DLGAP2: variants seen among roughly 807,000 people sequenced by gnomAD.
DLGAP2 encodes disks large-associated protein 2.
In DLGAP2, 26 loss-of-function variants were observed where a neutral mutation model predicts 100.3. That is an observed-to-expected ratio of 0.26 (90% confidence interval 0.19 to 0.36). The LOEUF (loss-of-function observed/expected upper bound fraction) is 0.36. DLGAP2 is among the 10% of genes least tolerant of loss of function. DLGAP2 has a pLI of 1.00. For missense variants in DLGAP2, 1,858 were observed against 1,453.2 expected (o/e 1.28, Z -4.53); for synonymous variants, 886 against 630.1 (o/e 1.41, Z -6.08).
At chr8:1,571,432 G>GA (rs1802674164) in intron 6 of DLGAP2, among the ~76,000 whole-genome samples, 1 of 143,188 alleles carries the variant, frequency 7.0e-6, no homozygotes, top group Admixed American at 6.9e-5. Flanking sequence ...GAATTGTGGG[G>GA]TGTCTGATGA....
intron 1 of DLGAP2, among the ~76,000 whole-genome samples, chr8:771,931 T>C (rs1298432313): frequency 1.3e-5 from 2 of 152,174 alleles, no homozygotes; most frequent in African/African-American, 2.4e-5. Context: ...AGAGACAGGT[T>C]CTCTCTCTGT....
intron 2 of DLGAP2, among the ~76,000 whole-genome samples, chr8:1,172,272 T>TCC (rs1233692927): frequency 6.6e-6 from 1 of 152,224 alleles, no homozygotes; most frequent in African/African-American, 2.4e-5. Flanking sequence ...CTGATGGGCT[T>TCC]CCCTTTGTGG....
At chr8:1,436,534 C>T (rs1411094665) in intron 3 of DLGAP2, among the ~76,000 whole-genome samples, 1 of 152,160 alleles carries the variant, frequency 6.6e-6, no homozygotes, top group Non-Finnish European at 1.5e-5. Flanking sequence ...CAACCCAGGA[C>T]AATACTTTGC....
intron 3 of DLGAP2, among the ~76,000 whole-genome samples, chr8:1,451,094 A>G (rs1460415231): frequency 6.6e-6 from 1 of 152,074 alleles, no homozygotes; most frequent in East Asian, 1.9e-4. Context: ...CACATATCCT[A>G]CTTAGTGGAT....
intron 3 of DLGAP2, among the ~76,000 whole-genome samples, chr8:1,360,555 C>A (rs1801960345): frequency 6.6e-6 from 1 of 152,166 alleles, no homozygotes; most frequent in Non-Finnish European, 1.5e-5. Context: ...GCTGTGCCAT[C>A]TGGGTGAGCT....
chr8:1,415,681 A>G (rs1796864352), intron 3 of DLGAP2, among the ~76,000 whole-genome samples: 1 of 152,212 alleles, frequency 6.6e-6, no homozygotes, highest in South Asian at 2.1e-4. Flanking sequence ...CGTGGTGTAT[A>G]GGTAGCACTG....
chr8:1,330,505 C>G (rs530868622), intron 3 of DLGAP2, among the ~76,000 whole-genome samples: 6 of 133,466 alleles, frequency 4.5e-5, no homozygotes, highest in Middle Eastern at 5.9e-3. Flanking sequence ...GGGAGCACCG[C>G]TTCACGGGGA....
At position 1,241,146 on chromosome 8, in the gene DLGAP2, G is replaced by A. The variant is rs74403110; in HGVS notation, c.74-17705G>A. 2.4e-3 allele frequency among the ~76,000 whole-genome samples: 90 copies of A among 37,804 alleles called. 8 individuals are homozygous for A. The highest frequency in any genetic ancestry group is 5.1e-3 in the African/African-American group (38 of 7,474). 24.8% of individuals were successfully genotyped at this position (37,804 alleles called of 152,430 possible). On this transcript the variant is annotated intron_variant, in intron 2 of 14. Coordinates refer to ENST00000637795, the MANE Select transcript of DLGAP2 (RefSeq NM_001346810.2). ...ATGGCGCCGTGTCTAGTTCTCTCACGTGGTGCCATGTCTAGTTCTCTCACG... is the reference window on the plus strand; with the variant it reads ...ATGGCGCCGTGTCTAGTTCTCTCACATGGTGCCATGTCTAGTTCTCTCACG...
At chr8:1,120,897 C>G (rs1403148291) in intron 2 of DLGAP2, among the ~76,000 whole-genome samples, 1 of 151,662 alleles carries the variant, frequency 6.6e-6, no homozygotes, top group Non-Finnish European at 1.5e-5. Context: ...CTTCAGATCC[C>G]ATGACCTCCC....
At chr8:878,579 G>A (rs1038059161) in intron 1 of DLGAP2, among the ~76,000 whole-genome samples, 1 of 152,106 alleles carries the variant, frequency 6.6e-6, no homozygotes, top group Non-Finnish European at 1.5e-5. Flanking sequence ...GTTTGGTATG[G>A]TTGGTCCTCA....
rs575598569 is a variant in DLGAP2, at chr8:1,356,306, C to T, written c.106+97423C>T. ...TCTGGTTTTGCAGCTGTATCACTCC[C>T]CTCACCTTACGGTTTCAACGTTTAC... On this transcript the variant is annotated intron_variant, in intron 3 of 14. Coordinates refer to ENST00000637795, the MANE Select transcript of DLGAP2 (RefSeq NM_001346810.2). Among the ~76,000 whole-genome samples, 8 of 152,352 alleles carry T rather than the reference C, an allele frequency of 5.3e-5. No individual in the cohort carries two copies. In the South Asian group the frequency reaches 1.0e-3, roughly 20 times the overall value.
chr8:790,097 G>A (rs753499668), intron 1 of DLGAP2, among the ~76,000 whole-genome samples: 6 of 152,182 alleles, frequency 3.9e-5, no homozygotes, highest in Non-Finnish European at 8.8e-5. Flanking sequence ...AGAGCCAGTG[G>A]AGAAAGTAAG....
intron 3 of DLGAP2, among the ~76,000 whole-genome samples, chr8:1,484,342 G>A (rs373289982): frequency 5.3e-5 from 8 of 152,226 alleles, no homozygotes; most frequent in African/African-American, 1.4e-4. Context: ...ATTTAAAAAA[G>A]AAAACATCCA....
At chr8:902,124 A>C (rs369924334) in intron 1 of DLGAP2, among the ~76,000 whole-genome samples, 1 of 152,194 alleles carries the variant, frequency 6.6e-6, no homozygotes, top group East Asian at 1.9e-4. Context: ...CACAGGCTGG[A>C]CTGAGGCTGG....
intron 3 of DLGAP2, among the ~76,000 whole-genome samples, chr8:1,292,094 G>A (rs1473018505): frequency 1.3e-5 from 2 of 152,190 alleles, no homozygotes; most frequent in Admixed American, 6.5e-5. Flanking sequence ...ATGAATTGTG[G>A]TGTGTCAGCT....
intron 1 of DLGAP2, among the ~76,000 whole-genome samples, chr8:808,475 A>T (rs573502623): frequency 1.3e-5 from 2 of 152,258 alleles, no homozygotes; most frequent in East Asian, 3.9e-4. Context: ...TTCCACCCCA[A>T]AAGGGCGTTC....
At chr8:1,057,193 T>A (rs1802907564) in intron 2 of DLGAP2, among the ~76,000 whole-genome samples, 1 of 152,236 alleles carries the variant, frequency 6.6e-6, no homozygotes, top group Non-Finnish European at 1.5e-5. Context: ...TCCCTTGAGA[T>A]ATGCATCGGT....
At chr8:807,680 T>C (rs927246590) in intron 1 of DLGAP2, among the ~76,000 whole-genome samples, 1 of 152,230 alleles carries the variant, frequency 6.6e-6, no homozygotes, top group Non-Finnish European at 1.5e-5. Flanking sequence ...TTATTCTTGA[T>C]AGAAACCCAA....
chr8:1,465,864 C>A lies in DLGAP2; in HGVS notation c.107-35502C>A, dbSNP rs563763838. 9.2e-5 allele frequency among the ~76,000 whole-genome samples: 14 copies of A among 152,286 alleles called. No individual in the cohort carries two copies. The South Asian group carries it at 1.0e-3, about 11-fold the overall frequency. The stretch of plus-strand genomic sequence containing the variant: ...TCTGGGGTGAGGGTTTTGGGACTCA[C>A]AATGAGAAAGGTGGGTCAGAGAATG... On this transcript the variant is annotated intron_variant, in intron 3 of 14. Transcript: ENST00000637795.
Sources: allele counts gnomAD v4.1 joint callset (sites outside exome capture counted in the v4.1 genomes callset), GRCh38; gene constraint gnomAD v4.1.1; transcripts MANE v1.5; gene names NCBI Gene and HGNC (gene_info 2026-07-23, HGNC 2026-07-21).